TMEM63B: variants seen among roughly 807,000 people sequenced by gnomAD.
TMEM63B encodes transmembrane protein 63B.
In TMEM63B, 23 loss-of-function variants were observed where a neutral mutation model predicts 102.6. That is an observed-to-expected ratio of 0.22 (90% CI 0.16 to 0.32). The LOEUF (loss-of-function observed/expected upper bound fraction) is 0.32. Among genes scored for constraint, TMEM63B ranks in the 10% least tolerant of loss-of-function variants. The probability of loss-of-function intolerance (pLI) is 1.00; values close to 1 mark genes in which losing one functional copy is unlikely to be tolerated. For synonymous variants in TMEM63B, 444 were observed against 437.0 expected, an observed-to-expected ratio of 1.02 and a Z score of -0.20; for missense variants, 628 against 1,095.9, an observed-to-expected ratio of 0.57 and a Z score of 6.03.
chr6:44,132,159 TTCC>T lies in TMEM63B; in HGVS notation c.-24-2398_-24-2396del, dbSNP rs1407286588. 4.1e-6 allele frequency: 3 copies of T among 738,488 alleles called. No homozygotes were observed. The East Asian group carries it at 3.9e-4, about 97-fold the overall frequency. 45.7% of individuals were successfully genotyped at this position (738,488 alleles called of 1,614,324 possible). A position where few individuals can be genotyped will look rare whatever the true frequency, so the allele number is the denominator to read the frequency against. On this transcript the variant is annotated intron_variant, in intron 1 of 23. Coordinates refer to ENST00000323267, the MANE Select transcript of TMEM63B (RefSeq NM_018426.3). ...GTTGCTTCCCCTACTGGGTTCCTGC[TTCC>T]TCCCTGTAAAATGGGGATAGTGATC...
In TMEM63B at chr6:44,148,153, G is replaced by T; in HGVS notation, c.988-99G>T. 1 of 1,533,666 alleles carries T rather than the reference G, an allele frequency of 6.5e-7. No individual in the cohort carries two copies. ...AAAAAAAAATGCTTAGAGGAGCAGT[G>T]CCTGGCTTGTAGGAAGCCCCAAGTC... On this transcript the variant is annotated intron_variant, in intron 12 of 23. Transcript: ENST00000323267. The surrounding 1 kb of genome is among the most constrained non-coding windows in gnomAD (Gnocchi z 5.1).
intron 18 of TMEM63B, among the ~76,000 whole-genome samples, chr6:44,151,571 T>C (rs1010229990): frequency 3.3e-5 from 5 of 152,170 alleles, no homozygotes; most frequent in African/African-American, 9.7e-5. Context: ...TTGGGGGTCC[T>C]GGACAGTTCT....
chr6:44,145,000 G>T (rs1169031788), intron 10 of TMEM63B, among the ~76,000 whole-genome samples: 1 of 152,140 alleles, frequency 6.6e-6, no homozygotes, highest in Non-Finnish European at 1.5e-5. Flanking sequence ...CTACTGGCCA[G>T]GTGCGGTGGC....
Position 44,152,062 on chromosome 6 carries a change from A to G in TMEM63B, c.1836+54A>G. On this transcript the variant is annotated intron_variant, in intron 19 of 23. Coordinates refer to ENST00000323267, the MANE Select transcript of TMEM63B (RefSeq NM_018426.3). The surrounding 1 kb of genome is among the most constrained non-coding windows in gnomAD (Gnocchi z 6.4). ...GCACAGCGCCCCCTGGTGGCCCAAC[A>G]AGAAACAGCAGCCATCGCGCTAGGG... 5.9e-6 allele frequency: 9 copies of G among 1,529,118 alleles called. No homozygotes were observed. In the Admixed American group the frequency reaches 1.2e-4, roughly 20 times the overall value. 94.7% of individuals were successfully genotyped at this position (1,529,118 alleles called of 1,614,324 possible).
intron 1 of TMEM63B, among the ~76,000 whole-genome samples, chr6:44,132,857 C>G (rs968477841): frequency 1.3e-5 from 2 of 152,162 alleles, no homozygotes; most frequent in Non-Finnish European, 2.9e-5. Context: ...TCTGCCGAGT[C>G]CTGTTCTAGG....
Position 44,155,033 on chromosome 6 carries a change from T to A in TMEM63B, c.*150T>A. The A allele has an allele frequency of 1.3e-6, 1 of 744,472 alleles. No homozygotes were observed. The highest frequency in any genetic ancestry group is 1.9e-6 in the Non-Finnish European group (1 of 519,000). 46.1% of individuals were successfully genotyped at this position (744,472 alleles called of 1,614,324 possible). ...TATTTAAACTTGGGGGTTTCACTGC[T>A]CTCCCCCATGATGGAGGGAGGGAGC... On this transcript the variant is annotated 3_prime_UTR_variant, in exon 24 of 24. Transcript: ENST00000323267.
Position 44,154,155 on chromosome 6 carries a change from A to G in TMEM63B, c.2193A>G (p.Gly731=), listed in dbSNP as rs748341371. Reference sequence around the variant, plus strand: ...TCTGTCTCTGCCACGTCTGCTTTGGACACTTCAAATACCTCAGTGCCCACA... The same window carrying G: ...TCTGTCTCTGCCACGTCTGCTTTGGGCACTTCAAATACCTCAGTGCCCACA... ...IVICLCHVCF[G]HFKYLSAHNY... is the part of the protein sequence containing the mutation. Residue 731 remains glycine, a synonymous_variant, in exon 22 of 24, where the codon GGA becomes GGG. Transcript: ENST00000323267. The G allele has an allele frequency of 1.2e-5, 19 of 1,613,896 alleles. No individual in the cohort carries two copies. Among genetic ancestry groups the G allele is most frequent in the Middle Eastern group, 3.3e-4 (2 of 6,082 alleles).
intron 6 of TMEM63B, 129 bp from the exon 7 acceptor site, chr6:44,139,338 C>G: frequency 8.6e-7 from 1 of 1,162,422 alleles, no homozygotes; most frequent in Non-Finnish European, 1.2e-6. Flanking sequence ...CATTTCAGCC[C>G]TATACTACTG....
At chr6:44,145,819 T>C (rs999845631) in intron 10 of TMEM63B, among the ~76,000 whole-genome samples, 1 of 152,138 alleles carries the variant, frequency 6.6e-6, no homozygotes, top group African/African-American at 2.4e-5. Flanking sequence ...ATTCCTTCAC[T>C]CAGCAAGCAT....
At position 44,150,411 on chromosome 6, in the gene TMEM63B, C is replaced by T. The variant is rs1026078298; in HGVS notation, c.1607+101C>T. 5.5e-6 allele frequency: 8 copies of T among 1,463,908 alleles called. No individual in the cohort carries two copies. The Admixed American group carries it at 1.2e-4, about 22-fold the overall frequency. 90.7% of individuals were successfully genotyped at this position (1,463,908 alleles called of 1,614,324 possible). On this transcript the variant is annotated intron_variant, in intron 17 of 23. Transcript: ENST00000323267. This position sits in a 1 kb window ranked among gnomAD's most constrained non-coding sequence, Gnocchi z 4.7. ...CTACCTCCCCTACAAAGCAAGGGGC[C>T]CAAGATGGGAAGCCTGGCCACCCCC...
Position 44,154,179 on chromosome 6 carries a change from C to T in TMEM63B, c.2217C>T (p.His739=), listed in dbSNP as rs1767479332. Residue 739 remains histidine, a synonymous_variant, in exon 22 of 24, where the codon CAC becomes CAT. Coordinates refer to ENST00000323267, the MANE Select transcript of TMEM63B (RefSeq NM_018426.3). ...CFGHFKYLSA[H]NYKIEHTETD... is the part of the protein sequence containing the mutation. ...GACACTTCAAATACCTCAGTGCCCA[C>T]AACTACAAGGTGTGGGGCAAGGGTG... The T allele has an allele frequency of 6.2e-7, 1 of 1,613,886 alleles. No individual in the cohort carries two copies. The highest frequency in any genetic ancestry group is 8.5e-7 in the Non-Finnish European group (1 of 1,179,892).
rs764321448 is a variant in TMEM63B, at chr6:44,141,115, T to TC, written c.782+22dup. ...GCATTTTGAGTGAGTAAGCCACGCTTCCCCCTACCCTCAAGCCCTGCTGCA... is the reference window on the plus strand; with the variant it reads ...GCATTTTGAGTGAGTAAGCCACGCTTCCCCCCTACCCTCAAGCCCTGCTGCA... On this transcript the variant is annotated intron_variant, in intron 10 of 23. Coordinates refer to ENST00000323267, the MANE Select transcript of TMEM63B (RefSeq NM_018426.3). 68 of 1,612,456 alleles carry TC rather than the reference T, an allele frequency of 4.2e-5. No homozygotes were observed. In the Admixed American group the frequency reaches 1.1e-3, roughly 27 times the overall value.
At chr6:44,139,389 G>C in intron 6 of TMEM63B, 78 bp from the exon 7 acceptor site, 1 of 1,573,456 alleles carries the variant, frequency 6.4e-7, no homozygotes, top group Non-Finnish European at 8.7e-7. Flanking sequence ...GGTGGGAGTG[G>C]GTGAGGGCAG....
At chr6:44,146,807 TGGG>T in intron 10 of TMEM63B, 37 bp from the exon 11 acceptor site, 1 of 1,597,928 alleles carries the variant, frequency 6.3e-7, no homozygotes, top group Non-Finnish European at 8.6e-7. Context: ...GGCAGGTGGG[TGGG>T]GTCCCTGCAC....
Position 44,154,802 on chromosome 6 carries a change from G to A in TMEM63B, c.2418G>A (p.Leu806=), listed in dbSNP as rs758036949. 6 of 1,610,716 alleles carry A rather than the reference G, an allele frequency of 3.7e-6. No homozygotes were observed. In the South Asian group the frequency reaches 6.6e-5, roughly 18 times the overall value. The part of the protein sequence containing the change: ...PPSSSSQDEE[L]LMPPDALTDT... ...CATCCTCATCCCAAGATGAGGAGTT[G>A]CTGATGCCACCCGACGCCCTCACGG... Residue 806 remains leucine, a synonymous_variant, in exon 24 of 24, where the codon TTG becomes TTA. Transcript: ENST00000323267.
intron 9 of TMEM63B, 123 bp from the exon 10 acceptor site, chr6:44,140,905 T>G (rs1357789651): frequency 2.5e-6 from 2 of 801,198 alleles, no homozygotes; most frequent in African/African-American, 3.5e-5. Context: ...TGTTCCCCTC[T>G]GCTCACCTAC....
intron 7 of TMEM63B, 48 bp downstream of exon 7, chr6:44,139,657 G>A: frequency 2.5e-6 from 4 of 1,614,144 alleles, no homozygotes; most frequent in Middle Eastern, 1.6e-4. Context: ...TGGGGCTGGA[G>A]GGGATGTGCC....
chr6:44,143,422 G>C (rs1191046071), intron 10 of TMEM63B, among the ~76,000 whole-genome samples: 1 of 152,040 alleles, frequency 6.6e-6, no homozygotes, highest in African/African-American at 2.4e-5. Context: ...GGCACTCTGG[G>C]TCAGGATTAA....
chr6:44,135,428 C>CTT, intron 4 of TMEM63B, 62 bp downstream of exon 4: 14 of 1,538,868 alleles, frequency 9.1e-6, no homozygotes, highest in Non-Finnish European at 1.1e-5. Context: ...TTCTCTCACG[C>CTT]TTCTCTTCTC....
Sources: allele counts gnomAD v4.1 joint callset (sites outside exome capture counted in the v4.1 genomes callset), GRCh38; gene constraint gnomAD v4.1.1; non-coding constraint Gnocchi (gnomAD v3.1); transcripts MANE v1.5; gene names NCBI Gene and HGNC (gene_info 2026-07-23, HGNC 2026-07-21).